The following EXOC4 variants were observed in gnomAD, a reference collection of about 807,000 sequenced individuals.
EXOC4 encodes the protein SEC8-like 1.
A neutral mutation model predicts 107.2 loss-of-function variants in EXOC4; 71 were observed. The observed-to-expected ratio is 0.66, with a 90% CI of 0.55 to 0.81. The LOEUF (loss-of-function observed/expected upper bound fraction) is 0.81. EXOC4 is among the 30% of genes least tolerant of loss of function. The pLI is 0.00. For synonymous variants in EXOC4, 456 were observed against 441.2 expected (o/e 1.03, Z -0.42); for missense variants, 1,108 against 1,189.6 (o/e 0.93, Z 1.01).
intron 11 of EXOC4, among the ~76,000 whole-genome samples, chr7:133,832,182 C>G (rs2151238492): frequency 6.6e-6 from 1 of 152,292 alleles, no homozygotes; most frequent in East Asian, 1.9e-4. Context: ...ATACTCATTT[C>G]TAGTGTTACT....
chr7:133,280,127 T>A (rs535726208), intron 2 of EXOC4, among the ~76,000 whole-genome samples: 4 of 152,316 alleles, frequency 2.6e-5, no homozygotes, highest in South Asian at 2.1e-4. Context: ...CTAGCTAATT[T>A]AAAAAAATTT....
chr7:133,405,516 C>A (rs1320173574), intron 7 of EXOC4, among the ~76,000 whole-genome samples: 1 of 151,868 alleles, frequency 6.6e-6, no homozygotes, highest in South Asian at 2.1e-4. Context: ...AGCAAATGTA[C>A]CACATTAAGG....
At chr7:133,605,649 T>G (rs1247757288) in intron 9 of EXOC4, among the ~76,000 whole-genome samples, 3 of 152,148 alleles carry the variant, frequency 2.0e-5, no homozygotes, top group Non-Finnish European at 4.4e-5. Flanking sequence ...CAGAGTTTGT[T>G]TTTGGACATA....
chr7:133,730,821 T>C (rs727834), intron 10 of EXOC4, among the ~76,000 whole-genome samples: 150,175 of 152,268 alleles, frequency 0.99, 74,102 homozygotes, highest in Middle Eastern at 1. Context: ...TGGATTAACT[T>C]GCAATAACAG....
chr7:134,022,959 A>C (rs992296874), intron 17 of EXOC4, among the ~76,000 whole-genome samples: 1 of 152,198 alleles, frequency 6.6e-6, no homozygotes. Context: ...AGGTTTGCTT[A>C]ATTTCCCATA....
intron 7 of EXOC4, among the ~76,000 whole-genome samples, chr7:133,435,948 T>C (rs1469903133): frequency 1.3e-5 from 2 of 152,180 alleles, no homozygotes; most frequent in African/African-American, 4.8e-5. Context: ...ATTAAATATT[T>C]GGTTAGTTTC....
At chr7:133,938,359 T>G (rs1800352183) in intron 14 of EXOC4, among the ~76,000 whole-genome samples, 1 of 152,202 alleles carries the variant, frequency 6.6e-6, no homozygotes. Flanking sequence ...ATTGAGCCAT[T>G]AAGTCTCAAG....
chr7:133,676,105 G>A (rs529649081), intron 10 of EXOC4, among the ~76,000 whole-genome samples: 124 of 152,098 alleles, frequency 8.2e-4, no homozygotes, highest in African/African-American at 2.9e-3. Context: ...CGTGGCGTGA[G>A]AATTGCAGTC....
intron 7 of EXOC4, among the ~76,000 whole-genome samples, chr7:133,441,245 G>C (rs1181632740): frequency 6.6e-6 from 1 of 152,170 alleles, no homozygotes; most frequent in Non-Finnish European, 1.5e-5. Flanking sequence ...CAGAAAGAGA[G>C]TTAGGAAGGT....
chr7:134,040,567 G>A (rs145045185), intron 17 of EXOC4, among the ~76,000 whole-genome samples: 15 of 152,158 alleles, frequency 9.9e-5, no homozygotes, highest in African/African-American at 3.1e-4. Flanking sequence ...AGCACATGGC[G>A]TAAAACAGAT....
intron 9 of EXOC4, among the ~76,000 whole-genome samples, chr7:133,568,529 C>T (rs6954975): frequency 0.13 from 20,063 of 152,046 alleles, 1,456 homozygotes; most frequent in East Asian, 0.23. Context: ...ATTATCTAGG[C>T]ATAGGTTATG....
intron 13 of EXOC4, 72 bp downstream of exon 13, chr7:133,917,810 C>A: frequency 7.0e-7 from 1 of 1,437,404 alleles, no homozygotes; most frequent in Non-Finnish European, 9.4e-7. Context: ...TATTTTTTTA[C>A]ATGAAATTTA....
chr7:133,610,529 T>C (rs1802053113), intron 9 of EXOC4, among the ~76,000 whole-genome samples: 1 of 152,182 alleles, frequency 6.6e-6, no homozygotes, highest in African/African-American at 2.4e-5. Flanking sequence ...AACTCCTTTT[T>C]CATCATGTAG....
intron 15 of EXOC4, 149 bp downstream of exon 15, chr7:133,997,782 T>A: frequency 1.0e-6 from 1 of 954,098 alleles, no homozygotes; most frequent in Non-Finnish European, 1.5e-6. Flanking sequence ...TTAGCTGTAT[T>A]CAGTGATTAT....
intron 10 of EXOC4, among the ~76,000 whole-genome samples, chr7:133,737,667 G>T (rs1045720701): frequency 3.9e-5 from 6 of 152,058 alleles, no homozygotes; most frequent in African/African-American, 1.4e-4. Context: ...CGACCTTTGT[G>T]TAGCAGATTG....
At chr7:133,985,896 T>G (rs746878144) in intron 14 of EXOC4, among the ~76,000 whole-genome samples, 5 of 152,182 alleles carry the variant, frequency 3.3e-5, no homozygotes, top group Non-Finnish European at 7.4e-5. Context: ...TGATAATTTC[T>G]TCCACTTTTC....
At chr7:133,551,390 T>C (rs973962529) in intron 9 of EXOC4, among the ~76,000 whole-genome samples, 16 of 152,262 alleles carry the variant, frequency 1.1e-4, no homozygotes, top group Admixed American at 1.0e-3. Context: ...TAGGTTTTTC[T>C]AAGGATAGAT....
rs76640913 is a variant in EXOC4, at chr7:133,913,625, G to A, written c.1872-3958G>A. ...ATGGCTTGAATAGGGAACATTAGAT[G>A]CTCAGTGGTAGAGAGAGAGAGAGAG... On this transcript the variant is annotated intron_variant, in intron 12 of 17. Transcript: ENST00000253861. Among the ~76,000 whole-genome samples the A allele has an allele frequency of 9.1e-3, 1,383 of 152,232 alleles. 62 individuals carry two copies. The East Asian group carries it at 0.14, about 15-fold the overall frequency.
chr7:133,641,685 A>C (rs1319940682), intron 10 of EXOC4, among the ~76,000 whole-genome samples: 1 of 152,200 alleles, frequency 6.6e-6, no homozygotes, highest in Admixed American at 6.5e-5. Flanking sequence ...GCATCCATCA[A>C]TATCTTTTTT....
Sources: allele counts gnomAD v4.1 joint callset (sites outside exome capture counted in the v4.1 genomes callset), GRCh38; gene constraint gnomAD v4.1.1; transcripts MANE v1.5; gene names NCBI Gene and HGNC (gene_info 2026-07-23, HGNC 2026-07-21).